Variants in F13A1 observed in about 807,000 individuals in gnomAD.
The protein encoded by F13A1 is FSF, A subunit.
Under a neutral mutation model 80.1 loss-of-function variants are expected in F13A1, and 47 were observed. The observed-to-expected ratio is 0.59, with a 90% CI of 0.46 to 0.75. The LOEUF (loss-of-function observed/expected upper bound fraction) is 0.75, where lower values mean the gene tolerates loss of function less well. F13A1 is among the 30% of genes least tolerant of loss of function. F13A1 has a pLI of 0.00. For missense variants in F13A1, 817 were observed against 930.4 expected, an observed-to-expected ratio of 0.88 and a Z score of 1.59; for synonymous variants, 349 against 344.9, an observed-to-expected ratio of 1.01 and a Z score of -0.13.
intron 10 of F13A1, among the ~76,000 whole-genome samples, chr6:6,195,180 G>A (rs1761267575): frequency 6.6e-6 from 1 of 152,176 alleles, no homozygotes; most frequent in South Asian, 2.1e-4. Context: ...TCCAGTCCCT[G>A]CCTAGTTCTT....
intron 4 of F13A1, 88 bp downstream of exon 4, chr6:6,266,470 C>G (rs1429762840): frequency 6.2e-6 from 10 of 1,604,750 alleles, no homozygotes; most frequent in Non-Finnish European, 7.7e-6. Context: ...TCTTGGCCTC[C>G]CAAAGAGCTG....
intron 13 of F13A1, among the ~76,000 whole-genome samples, chr6:6,156,402 A>G (rs1760479656): frequency 2.0e-5 from 3 of 152,220 alleles, no homozygotes; most frequent in Admixed American, 6.5e-5. Context: ...AAAATACATA[A>G]CTGTATTCAA....
At chr6:6,260,666 A>T (rs1200802227) in intron 4 of F13A1, among the ~76,000 whole-genome samples, 1 of 152,088 alleles carries the variant, frequency 6.6e-6, no homozygotes, top group African/African-American at 2.4e-5. Context: ...GAAACCACAC[A>T]ATAAGTGGGG....
chr6:6,298,840 G>A (rs1380655823), intron 3 of F13A1, among the ~76,000 whole-genome samples: 1 of 149,270 alleles, frequency 6.7e-6, no homozygotes, highest in African/African-American at 2.6e-5. Flanking sequence ...TTTCTTCCTA[G>A]TCTTGATGGT....
At chr6:6,254,644 T>C (rs1002453408) in intron 4 of F13A1, among the ~76,000 whole-genome samples, 12 of 152,202 alleles carry the variant, frequency 7.9e-5, no homozygotes, top group African/African-American at 2.9e-4. Context: ...TGGTTTTCCC[T>C]GGGGATTCTC....
chr6:6,306,662 G>A (rs934000633), intron 2 of F13A1, among the ~76,000 whole-genome samples: 3 of 152,214 alleles, frequency 2.0e-5, no homozygotes, highest in Non-Finnish European at 2.9e-5. Context: ...TGGGGAGAAG[G>A]TGGGGTGGGA....
chr6:6,197,453 G>A (rs1761311570), intron 8 of F13A1, 127 bp from the exon 9 acceptor site: 3 of 835,910 alleles, frequency 3.6e-6, no homozygotes, highest in Middle Eastern at 3.3e-4. Context: ...GCCAAGGCAG[G>A]TGAGTCACAA....
intron 5 of F13A1, among the ~76,000 whole-genome samples, chr6:6,249,765 T>G (rs1028979032): frequency 2.6e-5 from 4 of 152,082 alleles, no homozygotes; most frequent in Non-Finnish European, 4.4e-5. Context: ...TAGTCAAAGG[T>G]TGCATGTCAC....
chr6:6,319,985 G>C (rs1344886756), intron 1 of F13A1, among the ~76,000 whole-genome samples: 1 of 152,234 alleles, frequency 6.6e-6, no homozygotes, highest in African/African-American at 2.4e-5. Context: ...CATTGCCAGG[G>C]GTGCAGAACA....
At chr6:6,280,981 TG>T (rs1758052524) in intron 3 of F13A1, among the ~76,000 whole-genome samples, 1 of 152,156 alleles carries the variant, frequency 6.6e-6, no homozygotes, top group Non-Finnish European at 1.5e-5. Context: ...GCGGAGTGGC[TG>T]GAGAATCCTC....
At position 6,294,541 on chromosome 6, in the gene F13A1, C is replaced by CAT. The variant is rs558563187; in HGVS notation, c.319+10808_319+10809dup. ...CACAACACTCACACACACACACACA[C>CAT]ATATATATATATACACACACGTATA... On this transcript the variant is annotated intron_variant, in intron 3 of 14. Transcript: ENST00000264870. Among the ~76,000 whole-genome samples the CAT allele has an allele frequency of 2.7e-4, 40 of 149,964 alleles. 1 individual carries two copies. Among genetic ancestry groups the CAT allele is most frequent in the South Asian group, 8.4e-4 (4 of 4,760 alleles).
At chr6:6,197,371 C>A in intron 8 of F13A1, 45 bp from the exon 9 acceptor site, 1 of 1,559,550 alleles carries the variant, frequency 6.4e-7, no homozygotes, top group Non-Finnish European at 8.8e-7. Context: ...CCATCACACC[C>A]AATGCTCCAA....
chr6:6,290,749 T>C (rs1219816037), intron 3 of F13A1, among the ~76,000 whole-genome samples: 4 of 152,152 alleles, frequency 2.6e-5, no homozygotes, highest in Non-Finnish European at 4.4e-5. Context: ...AATAAACACG[T>C]TGATCATCAA....
At chr6:6,308,461 TAA>T (rs35426137) in intron 2 of F13A1, among the ~76,000 whole-genome samples, 91 of 143,700 alleles carry the variant, frequency 6.3e-4, no homozygotes, top group South Asian at 6.5e-4. Flanking sequence ...GGTTTTTCTG[TAA>T]AAAAAAAAAA....
At chr6:6,226,335 G>C (rs1742927) in intron 6 of F13A1, among the ~76,000 whole-genome samples, 126,556 of 152,182 alleles carry the variant, frequency 0.83, 52,793 homozygotes, top group African/African-American at 0.85. Context: ...TTCAGAATCT[G>C]AGGCCCCTCC....
At chr6:6,218,560 T>C (rs1386227615) in intron 8 of F13A1, among the ~76,000 whole-genome samples, 2 of 152,198 alleles carry the variant, frequency 1.3e-5, no homozygotes, top group Non-Finnish European at 2.9e-5. Flanking sequence ...TGGGATCTAA[T>C]TACTCTGCCC....
At chr6:6,211,174 A>G (rs1481567248) in intron 8 of F13A1, among the ~76,000 whole-genome samples, 16 of 152,262 alleles carry the variant, frequency 1.1e-4, no homozygotes, top group Non-Finnish European at 2.1e-4. Flanking sequence ...GTTAAGAGGT[A>G]GAAGTAAATT....
At chr6:6,298,741 C>T (rs1758371909) in intron 3 of F13A1, among the ~76,000 whole-genome samples, 1 of 149,822 alleles carries the variant, frequency 6.7e-6, no homozygotes, top group Non-Finnish European at 1.5e-5. Flanking sequence ...GCATTTAGTC[C>T]ATTTACATTC....
At chr6:6,305,297 C>G (rs556256772) in intron 3 of F13A1, 54 bp downstream of exon 3, 29 of 1,597,832 alleles carry the variant, frequency 1.8e-5, no homozygotes, top group Non-Finnish European at 2.5e-5. Context: ...GTACCCACCT[C>G]TCTCTACAAT....
Sources: gnomAD v4.1 joint callset for allele counts (sites outside exome capture counted in the v4.1 genomes callset) on GRCh38, gnomAD v4.1.1 for gene constraint, MANE v1.5 for transcripts, NCBI Gene and HGNC (gene_info 2026-07-23, HGNC 2026-07-21) for gene names.